The following PCDHGA7 variants were observed in gnomAD, a reference collection of about 807,000 sequenced individuals.
PCDHGA7 encodes protocadherin gamma-A7.
Under a neutral mutation model 58.3 loss-of-function variants are expected in PCDHGA7, and 44 were observed. The observed-to-expected ratio is 0.75, with a 90% CI of 0.59 to 0.97. The LOEUF (loss-of-function observed/expected upper bound fraction) is 0.97. PCDHGA7 is among the 50% of genes least tolerant of loss of function. PCDHGA7 has a pLI of 0.00. For synonymous variants in PCDHGA7, 516 were observed against 504.2 expected (o/e 1.02, Z -0.31); for missense variants, 1,266 against 1,188.7 (o/e 1.06, Z -0.96).
chr5:141,424,295 C>T (rs1481053072), intron 1 of PCDHGA7: 1 of 152,526 alleles, frequency 6.6e-6, no homozygotes, highest in East Asian at 1.9e-4. Flanking sequence ...TTTCTTCATC[C>T]TATCAACACA....
At chr5:141,481,191 C>A (rs1244434918) in intron 1 of PCDHGA7, among the ~76,000 whole-genome samples, 1 of 152,148 alleles carries the variant, frequency 6.6e-6, no homozygotes, top group Non-Finnish European at 1.5e-5. Context: ...GGGCCAGGCC[C>A]AATTTTTTTA....
intron 1 of PCDHGA7, among the ~76,000 whole-genome samples, chr5:141,454,649 G>A (rs1202153817): frequency 6.6e-6 from 1 of 151,800 alleles, no homozygotes; most frequent in Non-Finnish European, 1.5e-5. Context: ...CAGGTGATCT[G>A]CCCACCTCGG....
intron 1 of PCDHGA7, among the ~76,000 whole-genome samples, chr5:141,443,727 A>T: frequency 6.6e-6 from 1 of 152,220 alleles, no homozygotes; most frequent in Non-Finnish European, 1.5e-5. Context: ...AATTCCTCAT[A>T]CATTTCCCTA....
rs999894916 is a variant in PCDHGA7, at chr5:141,383,400, C to G, written c.501C>G (p.Leu167=). The G allele has an allele frequency of 2.5e-6, 4 of 1,614,020 alleles. No homozygotes were observed. The highest frequency in any genetic ancestry group is 1.7e-6 in the Non-Finnish European group (2 of 1,179,904). Residue 167 remains leucine, a synonymous_variant, in exon 1 of 4, where the codon CTC becomes CTG. Coordinates refer to ENST00000518325, the MANE Select transcript of PCDHGA7 (RefSeq NM_018920.4). ...AGDPDVGTNS[L]QSYQLSPNRH... is the part of the protein sequence containing the mutation. ...ATCCAGATGTGGGCACGAACTCCCT[C>G]CAGAGTTACCAGCTCAGCCCCAATC...
intron 1 of PCDHGA7, among the ~76,000 whole-genome samples, chr5:141,464,370 T>C (rs1239284694): frequency 6.6e-6 from 1 of 151,828 alleles, no homozygotes. Context: ...CCAATATTTT[T>C]GCAATATAAA....
chr5:141,423,661 GT>G, intron 1 of PCDHGA7: 1 of 1,555,760 alleles, frequency 6.4e-7, no homozygotes. Flanking sequence ...AAGTAATCAG[GT>G]GAGATTTATT....
At chr5:141,444,152 A>ATTTTTTTTTTTT (rs747671382) in intron 1 of PCDHGA7, among the ~76,000 whole-genome samples, 4 of 33,898 alleles carry the variant, frequency 1.2e-4, no homozygotes, top group Admixed American at 3.9e-4. Flanking sequence ...TGTGTACTGG[A>ATTTTTTTTTTTT]TTTTTTTTTT....
intron 1 of PCDHGA7, chr5:141,428,805 C>G (rs1468764398): frequency 6.6e-6 from 1 of 152,108 alleles, no homozygotes; most frequent in African/African-American, 2.4e-5. Flanking sequence ...GGGCCAGTAA[C>G]TTCATTATTA....
At chr5:141,409,448 C>T in intron 1 of PCDHGA7, 1 of 1,613,546 alleles carries the variant, frequency 6.2e-7, no homozygotes, top group Non-Finnish European at 8.5e-7. Context: ...AGAGCAGACA[C>T]CAGAATACAA....
rs530622003 is a variant in PCDHGA7, at chr5:141,437,077, T to G, written c.2424+51754T>G. ...TGATCATTATTTGGTTTGGGCCATA[T>G]AAGAATTGAAACTAACGGCTTAGCT... On this transcript the variant is annotated intron_variant, in intron 1 of 3. Transcript: ENST00000518325. Among the ~76,000 whole-genome samples, 107 of 152,372 alleles carry G rather than the reference T, an allele frequency of 7.0e-4. 1 individual carries two copies. The highest frequency in any genetic ancestry group is 6.4e-3 in the South Asian group (31 of 4,828).
chr5:141,475,885 A>T, intron 1 of PCDHGA7: 1 of 556,524 alleles, frequency 1.8e-6, no homozygotes, highest in Non-Finnish European at 3.2e-6. Flanking sequence ...ATTGGCTGGG[A>T]CTCTGTGTGC....
chr5:141,489,900 A>G lies in PCDHGA7; in HGVS notation c.2425-4907A>G, dbSNP rs963522810. The stretch of plus-strand genomic sequence containing the variant: ...TTACTGCTGTGGATGGGGGGACCCC[A>G]GCCCGCTCAGGGACCACCCTTATCT... On this transcript the variant is annotated intron_variant, in intron 1 of 3. Transcript: ENST00000518325. The surrounding 1 kb of genome is among the most constrained non-coding windows in gnomAD (Gnocchi z 4.5). The G allele has an allele frequency of 1.9e-6, 3 of 1,614,254 alleles. No homozygotes were observed. The highest frequency in any genetic ancestry group is 1.7e-5 in the Admixed American group (1 of 60,026).
intron 1 of PCDHGA7, among the ~76,000 whole-genome samples, chr5:141,436,424 T>C (rs2154557109): frequency 6.6e-6 from 1 of 152,322 alleles, no homozygotes; most frequent in Middle Eastern, 3.4e-3. Context: ...AAACAAATAA[T>C]GTACTCTGGG....
At chr5:141,478,864 A>G in intron 1 of PCDHGA7, 1 of 1,322,156 alleles carries the variant, frequency 7.6e-7, no homozygotes, top group Non-Finnish European at 1.0e-6. Flanking sequence ...GATCTCAGCG[A>G]TCAGAGTTTA....
At chr5:141,463,338 G>A (rs1005543705) in intron 1 of PCDHGA7, among the ~76,000 whole-genome samples, 2 of 150,742 alleles carry the variant, frequency 1.3e-5, no homozygotes, top group African/African-American at 2.4e-5. Flanking sequence ...CAAAACCATG[G>A]TGTTATTCTT....
In PCDHGA7 at chr5:141,390,024, C is replaced by T. The variant is rs1449274096; in HGVS notation, c.2424+4701C>T. ...GATTCTGGCCATTGCCTTGCGCCTG[C>T]GACGCTCCTCCAGCCCCGCCTCCTG... On this transcript the variant is annotated intron_variant, in intron 1 of 3. Transcript: ENST00000518325. 6 of 1,613,926 alleles carry T rather than the reference C, an allele frequency of 3.7e-6. No homozygotes were observed. In the African/African-American group the frequency reaches 4.0e-5, roughly 11 times the overall value.
Position 141,489,714 on chromosome 5 carries a change from G to C in PCDHGA7, c.2425-5093G>C, listed in dbSNP as rs770143357. On this transcript the variant is annotated intron_variant, in intron 1 of 3. Coordinates refer to ENST00000518325, the MANE Select transcript of PCDHGA7 (RefSeq NM_018920.4). The surrounding 1 kb of genome is among the most constrained non-coding windows in gnomAD (Gnocchi z 4.5). Reference sequence around the variant, plus strand: ...CACGATTCCCACTGGACAGTGCCCAGGATCCGGATGTGGGCACCAATACTG... The same window carrying C: ...CACGATTCCCACTGGACAGTGCCCACGATCCGGATGTGGGCACCAATACTG... 7.4e-6 allele frequency: 12 copies of C among 1,613,958 alleles called. No individual in the cohort carries two copies. The highest frequency in any genetic ancestry group is 1.0e-5 in the Non-Finnish European group (12 of 1,179,930).
At chr5:141,414,921 G>T (rs746806079) in intron 1 of PCDHGA7, 22 of 1,613,992 alleles carry the variant, frequency 1.4e-5, no homozygotes, top group East Asian at 4.5e-5. Context: ...TGGAGCTGGC[G>T]CCCCGCTCCG....
intron 1 of PCDHGA7, chr5:141,403,769 A>G (rs2094453064): frequency 6.2e-7 from 1 of 1,613,948 alleles, no homozygotes; most frequent in Non-Finnish European, 8.5e-7. Context: ...GGATGAGGGA[A>G]TCAACGGAAA....
Sources: allele counts gnomAD v4.1 joint callset (sites outside exome capture counted in the v4.1 genomes callset), GRCh38; gene constraint gnomAD v4.1.1; non-coding constraint Gnocchi (gnomAD v3.1); transcripts MANE v1.5; gene names NCBI Gene and HGNC (gene_info 2026-07-23, HGNC 2026-07-21).